STK32B: variants seen among roughly 807,000 people sequenced by gnomAD.
STK32B encodes serine/threonine kinase 32B.
A neutral mutation model predicts 52.6 loss-of-function variants in STK32B; 43 were observed. The ratio of observed to expected loss-of-function variants is 0.82; its 90% CI spans 0.64 to 1.05. The LOEUF (loss-of-function observed/expected upper bound fraction) is 1.05. STK32B is among the 50% of genes least tolerant of loss of function. STK32B has a pLI of 0.00. For synonymous variants in STK32B, 238 were observed against 204.3 expected, an observed-to-expected ratio of 1.17 and a Z score of -1.41; for missense variants, 621 against 534.6, an observed-to-expected ratio of 1.16 and a Z score of -1.59.
chr4:5,124,071 T>C (rs973547667), intron 1 of STK32B, among the ~76,000 whole-genome samples: 3 of 152,126 alleles, frequency 2.0e-5, no homozygotes, highest in African/African-American at 7.2e-5. Flanking sequence ...ATATCATCTA[T>C]TCAAAAAGTA....
At chr4:5,251,646 G>C (rs1339264806) in intron 3 of STK32B, among the ~76,000 whole-genome samples, 1 of 151,974 alleles carries the variant, frequency 6.6e-6, no homozygotes, top group Non-Finnish European at 1.5e-5. Context: ...GAATAGCTTT[G>C]AATCTGTAAA....
Position 5,342,250 on chromosome 4 carries a change from C to T in STK32B, c.434+10857C>T, listed in dbSNP as rs35063372. Among the ~76,000 whole-genome samples, 955 of 152,226 alleles carry T rather than the reference C, an allele frequency of 6.3e-3. 3 individuals carry two copies. The highest frequency in any genetic ancestry group is 0.011 in the Non-Finnish European group (737 of 68,020). On this transcript the variant is annotated intron_variant, in intron 4 of 11. Coordinates refer to ENST00000282908, the MANE Select transcript of STK32B (RefSeq NM_018401.3). ...ATGCTACTATAAAGACACATGCACA[C>T]GTATGTTTATTGTGTCACTATTCAC...
chr4:5,132,835 C>G (rs1025617307), intron 1 of STK32B, among the ~76,000 whole-genome samples: 5 of 151,700 alleles, frequency 3.3e-5, no homozygotes, highest in African/African-American at 1.2e-4. Context: ...GCTCTGTTAC[C>G]CAGGCTGGAG....
chr4:5,461,411 C>T (rs1430452583), intron 9 of STK32B, among the ~76,000 whole-genome samples: 1 of 152,192 alleles, frequency 6.6e-6, no homozygotes, highest in Non-Finnish European at 1.5e-5. Flanking sequence ...ACTTCCGTCA[C>T]TCCTTTTGGT....
chr4:5,099,815 C>T (rs1159854722), intron 1 of STK32B, among the ~76,000 whole-genome samples: 1 of 152,038 alleles, frequency 6.6e-6, no homozygotes, highest in African/African-American at 2.4e-5. Flanking sequence ...GCCCATTCTG[C>T]TCATGAGCTC....
At chr4:5,204,472 T>TGTTTTGTTTTGTTTTGTTTC (rs1722415282) in intron 3 of STK32B, among the ~76,000 whole-genome samples, 1 of 151,834 alleles carries the variant, frequency 6.6e-6, no homozygotes, top group Non-Finnish European at 1.5e-5. Flanking sequence ...TGTTTTGTTT[T>TGTTTTGTTTTGTTTTGTTTC]GTTTTGTTTT....
intron 3 of STK32B, among the ~76,000 whole-genome samples, chr4:5,170,252 T>G (rs190089376): frequency 2.3e-4 from 35 of 152,312 alleles, no homozygotes; most frequent in African/African-American, 7.5e-4. Context: ...TGATGTATGT[T>G]AAAGGAAAGG....
chr4:5,140,086 A>G, intron 2 of STK32B, 126 bp downstream of exon 2: 2 of 1,470,668 alleles, frequency 1.4e-6, no homozygotes, highest in South Asian at 1.2e-5. Flanking sequence ...CAAACTTGAA[A>G]TGTGAAAGGA....
At chr4:5,157,707 G>T (rs1717976065) in intron 2 of STK32B, among the ~76,000 whole-genome samples, 1 of 152,208 alleles carries the variant, frequency 6.6e-6, no homozygotes, top group Non-Finnish European at 1.5e-5. Flanking sequence ...AGAATGTGTG[G>T]TTGCTCTTTG....
At chr4:5,475,697 CAAAAAA>C (rs879367650) in intron 11 of STK32B, among the ~76,000 whole-genome samples, 2 of 112,220 alleles carry the variant, frequency 1.8e-5, no homozygotes, top group Non-Finnish European at 1.9e-5. Context: ...TACTCCGTTC[CAAAAAA>C]AAAAAAGTGT....
At position 5,138,830 on chromosome 4, in the gene STK32B, C is replaced by G. The variant is rs368776325; in HGVS notation, c.53-1075C>G. ...CAAGGGTAGGGCAAGGAGGAGAGCA[C>G]TCAAGGCCTGGGAGTAGCTGCTCTC... On this transcript the variant is annotated intron_variant, in intron 1 of 11. Coordinates refer to ENST00000282908, the MANE Select transcript of STK32B (RefSeq NM_018401.3). Among the ~76,000 whole-genome samples, 18 of 152,276 alleles carry G rather than the reference C, an allele frequency of 1.2e-4. No homozygotes were observed. The East Asian group carries it at 3.5e-3, about 29-fold the overall frequency.
intron 4 of STK32B, among the ~76,000 whole-genome samples, chr4:5,341,143 CAT>C (rs1733048451): frequency 6.6e-6 from 1 of 152,172 alleles, no homozygotes; most frequent in Non-Finnish European, 1.5e-5. Flanking sequence ...CAAATGAGCA[CAT>C]ATGGATTTCA....
chr4:5,127,113 G>C (rs756076113), intron 1 of STK32B: 5 of 513,210 alleles, frequency 9.7e-6, no homozygotes, highest in Non-Finnish European at 1.9e-5. Flanking sequence ...AACTTAACCA[G>C]ACGAGAATAA....
chr4:5,096,276 T>G (rs1713387335), intron 1 of STK32B, among the ~76,000 whole-genome samples: 1 of 152,198 alleles, frequency 6.6e-6, no homozygotes, highest in Admixed American at 6.5e-5. Context: ...GGGAGTAGTA[T>G]CTCAGTGCTT....
chr4:5,489,625 T>A (rs1162470140), intron 11 of STK32B, among the ~76,000 whole-genome samples: 1 of 151,322 alleles, frequency 6.6e-6, no homozygotes, highest in Admixed American at 6.7e-5. Context: ...TTATTTATTT[T>A]TTATTATTTT....
At chr4:5,174,779 C>G (rs897743455) in intron 3 of STK32B, among the ~76,000 whole-genome samples, 4 of 152,068 alleles carry the variant, frequency 2.6e-5, no homozygotes, top group South Asian at 2.1e-4. Context: ...AATTATGTAT[C>G]TTGGAGTTGC....
chr4:5,397,636 C>T (rs1250986049), intron 4 of STK32B, among the ~76,000 whole-genome samples: 1 of 152,184 alleles, frequency 6.6e-6, no homozygotes, highest in East Asian at 1.9e-4. Context: ...GCGTGCTCCT[C>T]TGTGTGTCTG....
chr4:5,403,995 T>G (rs970715794), intron 5 of STK32B, among the ~76,000 whole-genome samples: 1 of 151,970 alleles, frequency 6.6e-6, no homozygotes, highest in Non-Finnish European at 1.5e-5. Context: ...CTGGGGAAGA[T>G]TGTAGTGAGA....
intron 3 of STK32B, among the ~76,000 whole-genome samples, chr4:5,266,953 TG>T (rs1418338423): frequency 1.3e-5 from 2 of 152,164 alleles, no homozygotes; most frequent in African/African-American, 4.8e-5. Context: ...AATATATTTT[TG>T]CCCACTGCAG....
Sources: gnomAD v4.1 joint callset for allele counts (sites outside exome capture counted in the v4.1 genomes callset) on GRCh38, gnomAD v4.1.1 for gene constraint, MANE v1.5 for transcripts, NCBI Gene and HGNC (gene_info 2026-07-23, HGNC 2026-07-21) for gene names.